ARMC10: variants seen among roughly 807,000 people sequenced by gnomAD.
ARMC10 encodes armadillo repeat-containing protein 10.
In ARMC10, 23 loss-of-function variants were observed where a neutral mutation model predicts 30.2. The observed-to-expected ratio is 0.76, with a 90% CI of 0.55 to 1.08. The LOEUF is 1.08. Among genes scored for constraint, ARMC10 ranks in the 50% least tolerant of loss-of-function variants. ARMC10 has a pLI of 0.00. For missense variants in ARMC10, 303 were observed against 413.7 expected (o/e 0.73, Z 2.32); for synonymous variants, 111 against 164.4 (o/e 0.68, Z 2.48).
At chr7:103,088,261 CA>C (rs1801024270) in intron 4 of ARMC10, among the ~76,000 whole-genome samples, 1 of 151,978 alleles carries the variant, frequency 6.6e-6, no homozygotes, top group African/African-American at 2.4e-5. Context: ...CTTTAGAGTC[CA>C]ATACAGTTAT....
At chr7:103,093,532 T>C (rs140010294) in intron 5 of ARMC10, among the ~76,000 whole-genome samples, 1 of 152,356 alleles carries the variant, frequency 6.6e-6, no homozygotes, top group East Asian at 1.9e-4. Context: ...ATCCAAGATG[T>C]ACCAAAAGGT....
At chr7:103,075,461 T>C (rs746408605) in intron 1 of ARMC10, 50 bp downstream of exon 1, 21 of 1,273,068 alleles carry the variant, frequency 1.6e-5, no homozygotes, top group Non-Finnish European at 2.1e-5. Flanking sequence ...GCAGGGGGGC[T>C]CCCCAGGCCG....
chr7:103,094,966 G>C (rs112600610), intron 5 of ARMC10, among the ~76,000 whole-genome samples: 1 of 7,732 alleles, frequency 1.3e-4, no homozygotes, highest in African/African-American at 1.3e-4. Flanking sequence ...TAAAAATAAA[G>C]AAATATTTGA....
intron 3 of ARMC10, among the ~76,000 whole-genome samples, chr7:103,085,352 A>G (rs1275038339): frequency 6.6e-6 from 1 of 151,866 alleles, no homozygotes; most frequent in Non-Finnish European, 1.5e-5. Context: ...TAATGCTAAG[A>G]TCACCCTTAA....
intron 5 of ARMC10, among the ~76,000 whole-genome samples, chr7:103,094,344 ACAT>A (rs1801596171): frequency 6.6e-6 from 1 of 152,108 alleles, no homozygotes; most frequent in African/African-American, 2.4e-5. Context: ...AGGAAAAAAA[ACAT>A]GTCTTAATAT....
chr7:103,082,783 G>C (rs1800504286), intron 2 of ARMC10, among the ~76,000 whole-genome samples: 1 of 151,844 alleles, frequency 6.6e-6, no homozygotes. Flanking sequence ...GGTGATTTCT[G>C]TAAAGAGGAT....
At chr7:103,087,298 A>T (rs981457124) in intron 4 of ARMC10, among the ~76,000 whole-genome samples, 3 of 152,170 alleles carry the variant, frequency 2.0e-5, no homozygotes, top group African/African-American at 7.2e-5. Flanking sequence ...AATAGATTAA[A>T]CTGACTTTTA....
At chr7:103,097,474 G>A in intron 6 of ARMC10, 126 bp downstream of exon 6, 1 of 595,524 alleles carries the variant, frequency 1.7e-6, no homozygotes, top group Non-Finnish European at 2.6e-6. Context: ...ATTAAAGGTG[G>A]TTTTTTAAAT....
chr7:103,080,521 G>A (rs1425822172), intron 2 of ARMC10, among the ~76,000 whole-genome samples: 1 of 152,122 alleles, frequency 6.6e-6, no homozygotes, highest in Non-Finnish European at 1.5e-5. Flanking sequence ...TCCCAAAGTG[G>A]TGGGATTACA....
At position 103,092,486 on chromosome 7, in the gene ARMC10, A is replaced by G. The variant is rs146105958; in HGVS notation, c.538A>G (p.Ser180Gly). Reference protein sequence around the residue: ...ENQIKIKIYISQVCEDVFSGP... With the variant: ...ENQIKIKIYIGQVCEDVFSGP... The stretch of plus-strand genomic sequence containing the variant: ...CCTCCCCTGCCTTCAGATATACATC[A>G]GTCAAGTATGTGAGGATGTCTTCTC... The change falls in exon 5 of 7, where the codon AGT becomes GGT. Residue 180 changes from serine (S) to glycine (G), a missense_variant. Physicochemically the swap from Ser to Gly is moderately conservative, Grantham distance 56 (BLOSUM62 0). Coordinates refer to ENST00000323716, the MANE Select transcript of ARMC10 (RefSeq NM_031905.5). The G allele has an allele frequency of 2.1e-3, 3,242 of 1,578,388 alleles. 66 individuals are homozygous for G. In the African/African-American group the frequency reaches 0.04, roughly 19 times the overall value.
intron 3 of ARMC10, among the ~76,000 whole-genome samples, chr7:103,085,897 G>A (rs903899096): frequency 1.3e-5 from 2 of 152,110 alleles, no homozygotes; most frequent in East Asian, 1.9e-4. Context: ...TTACAGGTGT[G>A]AGCCACTGCG....
intron 2 of ARMC10, among the ~76,000 whole-genome samples, chr7:103,078,969 G>A (rs766746834): frequency 1.3e-5 from 2 of 152,010 alleles, no homozygotes; most frequent in Non-Finnish European, 2.9e-5. Flanking sequence ...TGATTGTGCC[G>A]CTGCTCTCCA....
intron 3 of ARMC10, among the ~76,000 whole-genome samples, chr7:103,085,279 T>C (rs1461417000): frequency 3.9e-5 from 6 of 152,134 alleles, no homozygotes; most frequent in African/African-American, 1.4e-4. Flanking sequence ...AAAAAAACTT[T>C]TCTAGTAACT....
chr7:103,088,483 TA>T (rs1200831316), intron 4 of ARMC10, among the ~76,000 whole-genome samples: 1 of 151,436 alleles, frequency 6.6e-6, no homozygotes, highest in Non-Finnish European at 1.5e-5. Flanking sequence ...AAATAGAAGG[TA>T]AAAAAAAATA....
At chr7:103,082,011 T>C in intron 2 of ARMC10, 2 of 418,878 alleles carry the variant, frequency 4.8e-6, no homozygotes, top group Non-Finnish European at 9.5e-6. Context: ...GGCTTCAGTT[T>C]CTTCCTGTGT....
intron 2 of ARMC10, among the ~76,000 whole-genome samples, chr7:103,079,910 A>G (rs1156631891): frequency 2.0e-5 from 3 of 152,250 alleles, no homozygotes; most frequent in Admixed American, 6.5e-5. Flanking sequence ...CTACATAAAC[A>G]GGCATATTGT....
chr7:103,086,619 T>A lies in ARMC10; in HGVS notation c.394-11T>A. ...CCCAGTCCTGCTTTTTTTTTTTTTT[T>A]CCCCTCGTAGGCTATTATTCGTGAA... On this transcript the variant is annotated splice_polypyrimidine_tract_variant and intron_variant, in intron 3 of 6. Transcript: ENST00000323716. 1 of 1,572,906 alleles carries A rather than the reference T, an allele frequency of 6.4e-7. No homozygotes were observed. The highest frequency in any genetic ancestry group is 8.6e-7 in the Non-Finnish European group (1 of 1,168,474).
chr7:103,088,086 T>G (rs1450620110), intron 4 of ARMC10, among the ~76,000 whole-genome samples: 1 of 152,160 alleles, frequency 6.6e-6, no homozygotes, highest in Non-Finnish European at 1.5e-5. Context: ...ATGGGGTCAT[T>G]GACAATCAAT....
chr7:103,097,048 A>T, intron 5 of ARMC10: 1 of 540,782 alleles, frequency 1.8e-6, no homozygotes, highest in Non-Finnish European at 3.3e-6. Context: ...TTTAAATAAC[A>T]CTGTTCTATG....
Sources: allele counts gnomAD v4.1 joint callset (sites outside exome capture counted in the v4.1 genomes callset), GRCh38; gene constraint gnomAD v4.1.1; transcripts MANE v1.5; gene names NCBI Gene and HGNC (gene_info 2026-07-23, HGNC 2026-07-21).